KIFAP3: variants seen among roughly 807,000 people sequenced by gnomAD.
The protein encoded by KIFAP3 is kinesin-associated protein 3.
Under a neutral mutation model 106.5 loss-of-function variants are expected in KIFAP3, and 68 were observed. That is an observed-to-expected ratio of 0.64 (90% confidence interval 0.53 to 0.78). The LOEUF is 0.78. Ranked by LOEUF, KIFAP3 falls within the 30% of genes least tolerant of loss-of-function variation. KIFAP3 has a pLI of 0.00. For missense variants in KIFAP3, 780 were observed against 941.8 expected, an observed-to-expected ratio of 0.83 and a Z score of 2.25; for synonymous variants, 320 against 311.5, an observed-to-expected ratio of 1.03 and a Z score of -0.29.
At chr1:169,993,401 C>T (rs926772840) in intron 10 of KIFAP3, among the ~76,000 whole-genome samples, 5 of 151,512 alleles carry the variant, frequency 3.3e-5, no homozygotes, top group African/African-American at 4.9e-5. Flanking sequence ...TGAGCCACCG[C>T]GCCTGGCCCT....
intron 1 of KIFAP3, among the ~76,000 whole-genome samples, chr1:170,064,960 T>C (rs1230887663): frequency 6.6e-6 from 1 of 152,232 alleles, no homozygotes; most frequent in Non-Finnish European, 1.5e-5. Context: ...CTGACTTTCA[T>C]ATGGAGATTA....
chr1:170,030,816 G>C (rs1408040556), intron 8 of KIFAP3, among the ~76,000 whole-genome samples: 1 of 151,800 alleles, frequency 6.6e-6, no homozygotes, highest in Admixed American at 6.6e-5. Context: ...GAAAGGGAGA[G>C]ATTGTAAAGA....
chr1:169,931,599 C>T (rs1663485377), intron 19 of KIFAP3, among the ~76,000 whole-genome samples: 1 of 152,174 alleles, frequency 6.6e-6, no homozygotes. Context: ...TTCATACCAC[C>T]AAATGTTAAG....
At chr1:169,927,528 T>C (rs929125636) in intron 19 of KIFAP3, among the ~76,000 whole-genome samples, 1 of 152,238 alleles carries the variant, frequency 6.6e-6, no homozygotes, top group Non-Finnish European at 1.5e-5. Context: ...TATTTTGTTA[T>C]TGTATTTCTT....
chr1:169,942,479 A>G (rs1664179578), intron 19 of KIFAP3, among the ~76,000 whole-genome samples: 1 of 152,238 alleles, frequency 6.6e-6, no homozygotes, highest in South Asian at 2.1e-4. Context: ...GGTCACTTGA[A>G]AAGGAAGAAA....
intron 16 of KIFAP3, 80 bp downstream of exon 16, chr1:169,978,005 C>A (rs200590859): frequency 1.1e-4 from 69 of 649,776 alleles, no homozygotes; most frequent in African/African-American, 2.7e-4. Flanking sequence ...TCAACATTTG[C>A]AAAAAAAAAA....
intron 3 of KIFAP3, among the ~76,000 whole-genome samples, chr1:170,041,237 A>G (rs1669961696): frequency 6.6e-6 from 1 of 152,232 alleles, no homozygotes; most frequent in South Asian, 2.1e-4. Context: ...AGTACAAGGC[A>G]TTTTATTAGC....
At chr1:169,954,911 G>T (rs1457420014) in intron 18 of KIFAP3, among the ~76,000 whole-genome samples, 1 of 152,062 alleles carries the variant, frequency 6.6e-6, no homozygotes, top group Non-Finnish European at 1.5e-5. Context: ...TTATAGAGTT[G>T]TACTACTTTC....
chr1:169,941,683 A>G (rs911560002), intron 19 of KIFAP3, among the ~76,000 whole-genome samples: 9 of 152,112 alleles, frequency 5.9e-5, no homozygotes, highest in African/African-American at 1.9e-4. Flanking sequence ...ATCAATGACT[A>G]TCACCCAAGA....
intron 18 of KIFAP3, among the ~76,000 whole-genome samples, chr1:169,955,915 CCA>C (rs1383357573): frequency 1.3e-5 from 2 of 151,982 alleles, no homozygotes; most frequent in African/African-American, 4.8e-5. Flanking sequence ...TGACAAGACA[CCA>C]CAGACTGACA....
chr1:169,932,719 T>TAA (rs1663563893), intron 19 of KIFAP3, among the ~76,000 whole-genome samples: 1 of 141,456 alleles, frequency 7.1e-6, no homozygotes, highest in Non-Finnish European at 1.6e-5. Context: ...AATGTTAAGT[T>TAA]TTTTTTTTTG....
At chr1:169,926,192 T>C (rs140824895) in intron 19 of KIFAP3, among the ~76,000 whole-genome samples, 183 of 152,290 alleles carry the variant, frequency 1.2e-3, no homozygotes, top group African/African-American at 4.1e-3. Context: ...TGTAAAACTG[T>C]TGGAAAGTTC....
chr1:169,936,304 A>T (rs549350169), intron 19 of KIFAP3, among the ~76,000 whole-genome samples: 1 of 151,800 alleles, frequency 6.6e-6, no homozygotes, highest in African/African-American at 2.4e-5. Context: ...ATCAACATTT[A>T]TATAAAGCTC....
At chr1:169,981,806 A>T (rs947350639) in intron 15 of KIFAP3, among the ~76,000 whole-genome samples, 166 bp downstream of exon 15, 2 of 152,182 alleles carry the variant, frequency 1.3e-5, no homozygotes, top group African/African-American at 4.8e-5. Flanking sequence ...ACTCTATCCA[A>T]TCCCAGTTAG....
At chr1:170,025,004 C>T (rs1361646816) in intron 8 of KIFAP3, among the ~76,000 whole-genome samples, 1 of 152,052 alleles carries the variant, frequency 6.6e-6, no homozygotes, top group African/African-American at 2.4e-5. Context: ...TATCATAAAA[C>T]TTTAATAACT....
At chr1:169,986,400 C>CTGTA (rs1194098684) in intron 11 of KIFAP3, among the ~76,000 whole-genome samples, 1 of 151,838 alleles carries the variant, frequency 6.6e-6, no homozygotes, top group African/African-American at 2.4e-5. Flanking sequence ...TTACAAAACA[C>CTGTA]TGTAGCAGGT....
intron 17 of KIFAP3, among the ~76,000 whole-genome samples, chr1:169,962,144 G>T (rs1393277787): frequency 6.6e-6 from 1 of 152,092 alleles, no homozygotes; most frequent in Non-Finnish European, 1.5e-5. Flanking sequence ...TATCAGAATT[G>T]AATTTAATTT....
At chr1:170,059,478 T>A (rs1671020410) in intron 1 of KIFAP3, among the ~76,000 whole-genome samples, 1 of 152,158 alleles carries the variant, frequency 6.6e-6, no homozygotes, top group Non-Finnish European at 1.5e-5. Context: ...GGTGAATCCC[T>A]GAACAGACCA....
intron 1 of KIFAP3, among the ~76,000 whole-genome samples, chr1:170,062,711 T>C (rs1055297770): frequency 1.3e-5 from 2 of 152,098 alleles, no homozygotes; most frequent in African/African-American, 4.8e-5. Flanking sequence ...GAAGTCATAG[T>C]CAAGCACATT....
Sources: gnomAD v4.1 joint callset for allele counts (sites outside exome capture counted in the v4.1 genomes callset) on GRCh38, gnomAD v4.1.1 for gene constraint, MANE v1.5 for transcripts, NCBI Gene and HGNC (gene_info 2026-07-23, HGNC 2026-07-21) for gene names.